The following ZBTB20 variants were observed in gnomAD, a reference collection of about 807,000 sequenced individuals.
The protein encoded by ZBTB20 is zinc finger and BTB domain containing 20.
Under a neutral mutation model 56.9 loss-of-function variants are expected in ZBTB20, and 9 were observed. That is an observed-to-expected ratio of 0.16 (90% CI 0.10 to 0.28). ZBTB20 has a LOEUF of 0.28. Ranked by LOEUF, ZBTB20 falls within the 10% of genes least tolerant of loss-of-function variation. The pLI is 1.00. For synonymous variants in ZBTB20, 417 were observed against 420.7 expected (o/e 0.99, Z 0.11); for missense variants, 655 against 1,003.0 (o/e 0.65, Z 4.69).
chr3:114,341,175 A>T lies in ZBTB20; in HGVS notation c.1805-1749T>A, dbSNP rs146918884. ...GGTTAGAAGATAATTTTACTTTTAG[A>T]TTAAAACAGGAAAGGTTAGGGAAGC... On this transcript the variant is annotated intron_variant, in intron 11 of 11. Coordinates refer to ENST00000675478, the MANE Select transcript of ZBTB20 (RefSeq NM_001348800.3). Among the ~76,000 whole-genome samples, 764 of 152,354 alleles carry T rather than the reference A, an allele frequency of 5.0e-3. 8 individuals carry two copies. Among genetic ancestry groups the T allele is most frequent in the Non-Finnish European group, 7.6e-3 (520 of 68,036 alleles).
At chr3:115,127,124 C>T (rs1488391356) in intron 1 of ZBTB20, among the ~76,000 whole-genome samples, 1 of 152,050 alleles carries the variant, frequency 6.6e-6, no homozygotes, top group Non-Finnish European at 1.5e-5. Flanking sequence ...TGAATGCTGC[C>T]AGTCCAAAAA....
At chr3:114,756,313 G>A (rs1257249262) in intron 5 of ZBTB20, among the ~76,000 whole-genome samples, 1 of 152,010 alleles carries the variant, frequency 6.6e-6, no homozygotes, top group Non-Finnish European at 1.5e-5. Context: ...CTTCCATTTA[G>A]GGAGATATAA....
At chr3:114,348,086 T>C (rs1479660204) in intron 11 of ZBTB20, among the ~76,000 whole-genome samples, 1 of 152,244 alleles carries the variant, frequency 6.6e-6, no homozygotes, top group African/African-American at 2.4e-5. Context: ...AGATACTTTT[T>C]GGTAGTACAT....
At chr3:114,607,343 C>T (rs1334640145) in intron 6 of ZBTB20, among the ~76,000 whole-genome samples, 1 of 147,182 alleles carries the variant, frequency 6.8e-6, no homozygotes, top group Non-Finnish European at 1.5e-5. Flanking sequence ...GCTCTTGTTG[C>T]CCAGGTTGGA....
chr3:114,477,223 C>G (rs755365677), intron 7 of ZBTB20, among the ~76,000 whole-genome samples: 1 of 152,106 alleles, frequency 6.6e-6, no homozygotes, highest in Non-Finnish European at 1.5e-5. Flanking sequence ...TTCAAAGATA[C>G]GACCACTGCT....
At chr3:115,083,390 T>C (rs2082866385) in intron 1 of ZBTB20, among the ~76,000 whole-genome samples, 1 of 151,996 alleles carries the variant, frequency 6.6e-6, no homozygotes, top group African/African-American at 2.4e-5. Flanking sequence ...ATTTCCTTGT[T>C]GCCATCAAAC....
At chr3:115,134,793 G>A (rs972547667) in intron 1 of ZBTB20, among the ~76,000 whole-genome samples, 5 of 151,984 alleles carry the variant, frequency 3.3e-5, no homozygotes, top group Non-Finnish European at 7.4e-5. Flanking sequence ...GCTATTTTTC[G>A]CTAACTCACT....
intron 5 of ZBTB20, among the ~76,000 whole-genome samples, chr3:114,731,113 GC>G (rs755533066): frequency 2.6e-5 from 4 of 152,114 alleles, no homozygotes; most frequent in Non-Finnish European, 5.9e-5. Context: ...GTAACAGAAA[GC>G]AACATAATTT....
chr3:114,683,816 G>A (rs999827392), intron 6 of ZBTB20, among the ~76,000 whole-genome samples: 4 of 152,046 alleles, frequency 2.6e-5, no homozygotes, highest in Admixed American at 6.6e-5. Flanking sequence ...AGCAGAGAAC[G>A]GCTTCAGGTG....
rs958741910 is a variant in ZBTB20, at chr3:114,753,382, C to T, written c.-343+47719G>A. ...ATATAATGTATATATAATGTATATA[C>T]ACATACATGTATGTATATATATACA... On this transcript the variant is annotated intron_variant, in intron 5 of 11. Transcript: ENST00000675478. Among the ~76,000 whole-genome samples, 12 of 42,114 alleles carry T rather than the reference C, an allele frequency of 2.8e-4. 2 individuals are homozygous for T. The East Asian group carries it at 0.011, about 37-fold the overall frequency. 27.6% of individuals were successfully genotyped at this position (42,114 alleles called of 152,430 possible).
At chr3:114,368,219 G>A (rs903971221) in intron 10 of ZBTB20, among the ~76,000 whole-genome samples, 1 of 152,108 alleles carries the variant, frequency 6.6e-6, no homozygotes, top group Admixed American at 6.5e-5. Context: ...GGAAACATAG[G>A]GAGGTTAATT....
chr3:114,849,734 C>T (rs1158526298), intron 4 of ZBTB20, among the ~76,000 whole-genome samples: 3 of 152,014 alleles, frequency 2.0e-5, no homozygotes, highest in Non-Finnish European at 4.4e-5. Flanking sequence ...ATTATATACA[C>T]ATGCATAGCA....
At chr3:114,626,662 C>G (rs1191816598) in intron 6 of ZBTB20, among the ~76,000 whole-genome samples, 1 of 152,060 alleles carries the variant, frequency 6.6e-6, no homozygotes, top group African/African-American at 2.4e-5. Context: ...ATGTGAAATC[C>G]TTGAATTTGG....
intron 6 of ZBTB20, among the ~76,000 whole-genome samples, chr3:114,644,647 T>G (rs1578134097): frequency 1.3e-5 from 2 of 152,150 alleles, no homozygotes; most frequent in East Asian, 3.8e-4. Flanking sequence ...TACACATTGT[T>G]GGTGGGAATG....
At chr3:115,001,917 G>C (rs377516498) in intron 2 of ZBTB20, among the ~76,000 whole-genome samples, 1 of 151,312 alleles carries the variant, frequency 6.6e-6, no homozygotes, top group Non-Finnish European at 1.5e-5. Context: ...TATATGGAGA[G>C]GCAAAAGATC....
intron 2 of ZBTB20, among the ~76,000 whole-genome samples, chr3:115,031,708 G>C (rs1236206683): frequency 6.6e-6 from 1 of 151,462 alleles, no homozygotes; most frequent in Non-Finnish European, 1.5e-5. Context: ...CACAGAAATT[G>C]ACACTAAGTG....
chr3:115,090,469 T>C, intron 1 of ZBTB20, among the ~76,000 whole-genome samples: 1 of 151,784 alleles, frequency 6.6e-6, no homozygotes, highest in South Asian at 2.1e-4. Flanking sequence ...ATATTAGTTT[T>C]AGGGTAAGTA....
intron 2 of ZBTB20, among the ~76,000 whole-genome samples, chr3:115,003,094 C>T (rs2079317360): frequency 6.6e-6 from 1 of 151,484 alleles, no homozygotes; most frequent in African/African-American, 2.4e-5. Context: ...ATATGACATT[C>T]TGGAAATGGC....
chr3:114,916,452 C>T (rs2075749559), intron 3 of ZBTB20, among the ~76,000 whole-genome samples: 2 of 151,926 alleles, frequency 1.3e-5, no homozygotes, highest in Admixed American at 1.3e-4. Context: ...GTATTATGTA[C>T]TATGTAATAG....
Sources: allele counts gnomAD v4.1 joint callset (sites outside exome capture counted in the v4.1 genomes callset), GRCh38; gene constraint gnomAD v4.1.1; transcripts MANE v1.5; gene names NCBI Gene and HGNC (gene_info 2026-07-23, HGNC 2026-07-21).